ELOVL5: variants seen among roughly 807,000 people sequenced by gnomAD.
The protein encoded by ELOVL5 is very long chain fatty acid elongase 5.
ELOVL5 carries 8 observed loss-of-function variants against 38.6 expected under a neutral mutation model. That is an observed-to-expected ratio of 0.21 (90% CI 0.12 to 0.37). The LOEUF is 0.37. Ranked by LOEUF, ELOVL5 falls within the 10% of genes least tolerant of loss-of-function variation. The pLI, the probability that ELOVL5 is intolerant of heterozygous loss-of-function variation, is 1.00. For synonymous variants in ELOVL5, 127 were observed against 133.7 expected (o/e 0.95, Z 0.34); for missense variants, 280 against 367.8 (o/e 0.76, Z 1.95).
chr6:53,288,003 G>A (rs992873377), intron 3 of ELOVL5: 1 of 1,359,152 alleles, frequency 7.4e-7, no homozygotes, highest in East Asian at 2.5e-5. Flanking sequence ...GGCACAGCAG[G>A]AGAAGAGTAG....
intron 1 of ELOVL5, among the ~76,000 whole-genome samples, chr6:53,334,932 C>A (rs548270679): frequency 1.3e-5 from 2 of 152,182 alleles, no homozygotes; most frequent in Non-Finnish European, 2.9e-5. Context: ...GCACATTCAA[C>A]AGTGACATAA....
At chr6:53,307,228 G>T (rs1767617126) in intron 1 of ELOVL5, among the ~76,000 whole-genome samples, 1 of 152,204 alleles carries the variant, frequency 6.6e-6, no homozygotes, top group African/African-American at 2.4e-5. Flanking sequence ...AGTGTGCAAA[G>T]ACATCTGTGG....
chr6:53,288,515 T>A (rs1328949689), intron 3 of ELOVL5, among the ~76,000 whole-genome samples: 1 of 152,184 alleles, frequency 6.6e-6, no homozygotes, highest in East Asian at 1.9e-4. Context: ...AATTCAAATA[T>A]GCTCCAAATC....
intron 3 of ELOVL5, among the ~76,000 whole-genome samples, chr6:53,286,088 G>A (rs999695954): frequency 2.0e-5 from 3 of 152,052 alleles, no homozygotes; most frequent in Non-Finnish European, 4.4e-5. Context: ...AATATCTGAG[G>A]TATAAAATAA....
intron 2 of ELOVL5, among the ~76,000 whole-genome samples, chr6:53,293,627 C>A (rs1741348215): frequency 6.6e-6 from 1 of 152,140 alleles, no homozygotes; most frequent in South Asian, 2.1e-4. Flanking sequence ...TCTGCCCTTT[C>A]TTTGACCCCT....
intron 6 of ELOVL5, among the ~76,000 whole-genome samples, chr6:53,271,457 G>A (rs565536315): frequency 2.0e-5 from 3 of 152,110 alleles, no homozygotes; most frequent in Non-Finnish European, 2.9e-5. Context: ...GGCTGAGATA[G>A]GAGAATTGCT....
At chr6:53,291,424 T>C (rs959510764) in intron 3 of ELOVL5, among the ~76,000 whole-genome samples, 2 of 152,368 alleles carry the variant, frequency 1.3e-5, no homozygotes, top group East Asian at 3.9e-4. Flanking sequence ...AGATGCTTAA[T>C]AATAAAATGC....
At chr6:53,278,701 G>A (rs1766236566) in intron 3 of ELOVL5, among the ~76,000 whole-genome samples, 1 of 152,034 alleles carries the variant, frequency 6.6e-6, no homozygotes, top group African/African-American at 2.4e-5. Context: ...ACTTGACCTA[G>A]GCCCACCATT....
At chr6:53,289,343 A>G (rs937557381) in intron 3 of ELOVL5, among the ~76,000 whole-genome samples, 6 of 152,198 alleles carry the variant, frequency 3.9e-5, no homozygotes, top group African/African-American at 1.4e-4. Context: ...GGGCTTCATG[A>G]TCTCCTCAGT....
intron 1 of ELOVL5, among the ~76,000 whole-genome samples, chr6:53,302,014 C>T (rs761630866): frequency 2.6e-5 from 4 of 152,148 alleles, no homozygotes; most frequent in East Asian, 3.9e-4. Context: ...ATCAGTTCTG[C>T]GCTCCTGGCT....
Position 53,296,531 on chromosome 6 carries a change from A to C in ELOVL5, c.-8-824T>G, listed in dbSNP as rs534439082. On this transcript the variant is annotated intron_variant, in intron 1 of 7. Transcript: ENST00000304434. The stretch of plus-strand genomic sequence containing the variant: ...TCATATTTATAAGTATAATGTACTT[A>C]GCTGTGATGTAAAATATATTCTTAC... Among the ~76,000 whole-genome samples, 164 of 152,330 alleles carry C rather than the reference A, an allele frequency of 1.1e-3. 2 individuals carry two copies. The South Asian group carries it at 0.019, about 18-fold the overall frequency.
rs61424398 is a variant in ELOVL5 at position 53,305,389 on chromosome 6, C to A, written c.-8-9682G>T. 3.3e-3 allele frequency among the ~76,000 whole-genome samples: 475 copies of A among 143,344 alleles called. 14 individuals carry two copies. Among genetic ancestry groups the A allele is most frequent in the Middle Eastern group, 0.011 (3 of 272 alleles). 94.0% of individuals were successfully genotyped at this position (143,344 alleles called of 152,430 possible). A position where few individuals can be genotyped will look rare whatever the true frequency, so the allele number is the denominator to read the frequency against. ...GGCCTGGCGGGGGCTGACCCCCCCC[C>A]ACCTCCCTCCCGGGCGGGGTGGCTG... On this transcript the variant is annotated intron_variant, in intron 1 of 7. Coordinates refer to ENST00000304434, the MANE Select transcript of ELOVL5 (RefSeq NM_021814.5).
At chr6:53,324,350 G>A (rs987926080) in intron 1 of ELOVL5, among the ~76,000 whole-genome samples, 8 of 151,456 alleles carry the variant, frequency 5.3e-5, no homozygotes, top group African/African-American at 1.7e-4. Flanking sequence ...ATAACTAAAA[G>A]TAACATTTAA....
At chr6:53,317,679 GA>G (rs1441425122) in intron 1 of ELOVL5, among the ~76,000 whole-genome samples, 2 of 151,906 alleles carry the variant, frequency 1.3e-5, no homozygotes, top group Non-Finnish European at 2.9e-5. Flanking sequence ...AGCATTAGGA[GA>G]TATGCCTGAT....
Position 53,276,205 on chromosome 6 carries a change from G to T in ELOVL5, c.298C>A (p.Arg100Ser), listed in dbSNP as rs751645645. ...GKYNFFCQGTRTAGESDMKII... is the reference protein window; with the variant it reads ...GKYNFFCQGTSTAGESDMKII... ...TTCATATCTGATTCTCCTGCGGTGC[G>T]TGTGCCCTGACAGAAGAAGTTGTAT... Residue 100 changes from arginine to serine, a missense_variant, in exon 4 of 8, where the codon CGC becomes AGC. Physicochemically the swap from Arg to Ser is moderately radical, Grantham distance 110. Around this residue, in one of 3 missense-constraint regions of ELOVL5, gnomAD observed 150 missense variants for 178.0 expected, o/e 0.84. Coordinates refer to ENST00000304434, the MANE Select transcript of ELOVL5 (RefSeq NM_021814.5). 6.2e-7 allele frequency: 1 copy of T among 1,612,762 alleles called. No individual in the cohort carries two copies. Among genetic ancestry groups the T allele is most frequent in the South Asian group, 1.1e-5 (1 of 91,036 alleles).
chr6:53,335,946 G>C (rs1246736116), intron 1 of ELOVL5, among the ~76,000 whole-genome samples: 2 of 152,140 alleles, frequency 1.3e-5, no homozygotes, highest in African/African-American at 4.8e-5. Flanking sequence ...GATGAGCAAG[G>C]AATTTACGCA....
intron 1 of ELOVL5, among the ~76,000 whole-genome samples, chr6:53,327,103 C>T (rs574662621): frequency 6.6e-6 from 1 of 152,274 alleles, no homozygotes; most frequent in East Asian, 1.9e-4. Context: ...ACAGGATATT[C>T]TGCTCCCTCT....
rs965332755 is a variant in ELOVL5 at position 53,274,941 on chromosome 6, G to A, written c.496+149C>T. 6.8e-6 allele frequency: 5 copies of A among 732,964 alleles called. No individual in the cohort carries two copies. The African/African-American group carries it at 7.1e-5, about 10-fold the overall frequency. 45.4% of individuals were successfully genotyped at this position (732,964 alleles called of 1,614,324 possible). A position where few individuals can be genotyped will look rare whatever the true frequency, so the allele number is the denominator to read the frequency against. ...CTAAAAAAGGGTTTTGTGTGCATAG[G>A]TACATAAACTATCATTAAAAGCAAC... On this transcript the variant is annotated intron_variant, in intron 5 of 7. Transcript: ENST00000304434.
intron 3 of ELOVL5, among the ~76,000 whole-genome samples, chr6:53,285,054 A>C (rs1003821952): frequency 4.6e-5 from 7 of 152,196 alleles, no homozygotes; most frequent in African/African-American, 1.7e-4. Flanking sequence ...TAAGTGCTGA[A>C]GTGAAAGGAA....
Sources: allele counts gnomAD v4.1 joint callset (sites outside exome capture counted in the v4.1 genomes callset), GRCh38; gene constraint gnomAD v4.1.1; regional missense constraint gnomAD v4.1.1; transcripts MANE v1.5; gene names NCBI Gene and HGNC (gene_info 2026-07-23, HGNC 2026-07-21).